Variants in RRP15 observed in about 807,000 individuals in gnomAD.
RRP15 encodes RRP15-like protein.
Under a neutral mutation model 27.1 loss-of-function variants are expected in RRP15, and 18 were observed. That is an observed-to-expected ratio of 0.66 (90% CI 0.46 to 0.98). The LOEUF is 0.98. Ranked by LOEUF, RRP15 falls within the 50% of genes least tolerant of loss-of-function variation. The pLI, the probability that RRP15 is intolerant of heterozygous loss-of-function variation, is 0.00. For synonymous variants in RRP15, 107 were observed against 109.4 expected (o/e 0.98, Z 0.14); for missense variants, 359 against 337.8 (o/e 1.06, Z -0.49).
At chr1:218,323,793 G>A (rs1340586178) in intron 4 of RRP15, among the ~76,000 whole-genome samples, 3 of 152,182 alleles carry the variant, frequency 2.0e-5, no homozygotes, top group Non-Finnish European at 4.4e-5. Context: ...TGTCAGCGCT[G>A]CCCCCAGTGT....
rs1656396769 is a variant in RRP15 at position 218,332,913 on chromosome 1, C to CCCAGAACTA, written c.*1823_*1831dup. 1 of 150,386 alleles carries CCCAGAACTA rather than the reference C, an allele frequency of 6.6e-6. No homozygotes were observed. The highest frequency in any genetic ancestry group is 1.5e-5 in the Non-Finnish European group (1 of 67,728). 9.3% of individuals were successfully genotyped at this position (150,386 alleles called of 1,614,324 possible). On this transcript the variant is annotated 3_prime_UTR_variant, in exon 5 of 5. Coordinates refer to ENST00000366932, the MANE Select transcript of RRP15 (RefSeq NM_016052.4). ...GCAGCAACTTAAACACATTTTTCTC[C>CCCAGAACTA]CCAGAACTAAGATTACACTTAATTT...
chr1:218,304,432 G>C (rs1186443882), intron 2 of RRP15, among the ~76,000 whole-genome samples: 2 of 152,096 alleles, frequency 1.3e-5, no homozygotes, highest in African/African-American at 4.8e-5. Flanking sequence ...CTCCCCTTCT[G>C]CTTCTGTACA....
intron 2 of RRP15, among the ~76,000 whole-genome samples, chr1:218,304,503 C>T (rs1054196521): frequency 2.0e-5 from 3 of 152,118 alleles, no homozygotes; most frequent in Admixed American, 6.6e-5. Context: ...AGATATGCTA[C>T]GAGAGGAGAA....
chr1:218,302,478 A>C lies in RRP15; in HGVS notation c.324A>C (p.Lys108Asn). 1 of 1,614,118 alleles carries C rather than the reference A, an allele frequency of 6.2e-7. No homozygotes were observed. The highest frequency in any genetic ancestry group is 8.5e-7 in the Non-Finnish European group (1 of 1,180,022). The change falls in exon 2 of 5, where the codon AAA becomes AAC. Residue 108 changes from lysine (K) to asparagine (N), a missense_variant. By Grantham distance (94) the Lys-to-Asn change is moderately conservative. Transcript: ENST00000366932. ...TCAACAAGAAAACTCCTGAAAGTAA[A>C]CCTACTATTCTGGTCAAAAATAAGA... Reference protein sequence around the residue: ...KVLNKKTPESKPTILVKNKKL... With the variant: ...KVLNKKTPESNPTILVKNKKL...
rs141272677 is a variant in RRP15 at position 218,304,860 on chromosome 1, C to T, written c.406-168C>T. 2.2e-4 allele frequency among the ~76,000 whole-genome samples: 34 copies of T among 152,284 alleles called. No individual in the cohort carries two copies. In the East Asian group the frequency reaches 6.2e-3, roughly 28 times the overall value. On this transcript the variant is annotated intron_variant, in intron 2 of 4. Transcript: ENST00000366932. ...CTCGCATGACACGCTGAGTGCTAAC[C>T]ACAGGCTCTCGAAGCTAAACCCCTA... is the stretch of plus-strand genomic sequence containing the variant.
At chr1:218,329,090 C>T (rs868163673) in intron 4 of RRP15, among the ~76,000 whole-genome samples, 88 of 151,960 alleles carry the variant, frequency 5.8e-4, no homozygotes, top group Middle Eastern at 3.4e-3. Context: ...CTGTGAACAT[C>T]AGTTTTTTAT....
At chr1:218,296,622 C>T (rs572529670) in intron 1 of RRP15, among the ~76,000 whole-genome samples, 12 of 149,244 alleles carry the variant, frequency 8.0e-5, no homozygotes, top group South Asian at 2.1e-4. Context: ...CCAGCCTGGG[C>T]GCCAGAGTGA....
intron 4 of RRP15, among the ~76,000 whole-genome samples, chr1:218,323,649 A>T (rs568427485): frequency 6.6e-6 from 1 of 152,238 alleles, no homozygotes; most frequent in South Asian, 2.1e-4. Flanking sequence ...GCCACTGCTC[A>T]TGGCGCCCAG....
chr1:218,327,707 CT>C (rs987562679), intron 4 of RRP15, among the ~76,000 whole-genome samples: 9 of 152,076 alleles, frequency 5.9e-5, no homozygotes, highest in Admixed American at 2.0e-4. Context: ...TCTATTGTGT[CT>C]TTTTTTTCCA....
At chr1:218,314,249 A>T (rs1476176870) in intron 4 of RRP15, among the ~76,000 whole-genome samples, 1 of 152,186 alleles carries the variant, frequency 6.6e-6, no homozygotes, top group African/African-American at 2.4e-5. Flanking sequence ...TTATAAAAAA[A>T]TTAAGCTTTA....
At chr1:218,313,621 C>T (rs561462676) in intron 4 of RRP15, among the ~76,000 whole-genome samples, 8 of 152,142 alleles carry the variant, frequency 5.3e-5, no homozygotes, top group Middle Eastern at 3.4e-3. Flanking sequence ...TTGGTTAGTG[C>T]GGGAAATAGC....
At position 218,290,315 on chromosome 1, in the gene RRP15, C is replaced by A. The variant is rs1174057473; in HGVS notation, c.139+4860C>A. 2.0e-5 allele frequency among the ~76,000 whole-genome samples: 3 copies of A among 151,468 alleles called. No individual in the cohort carries two copies. In the East Asian group the frequency reaches 5.8e-4, roughly 29 times the overall value. On this transcript the variant is annotated intron_variant, in intron 1 of 4. Coordinates refer to ENST00000366932, the MANE Select transcript of RRP15 (RefSeq NM_016052.4). ...TAATGTTCAGTAAAGTTGCAGGAAACCCTGAATCCCTGAATTAGTGAACCA... is the reference window on the plus strand; with the variant it reads ...TAATGTTCAGTAAAGTTGCAGGAAAACCTGAATCCCTGAATTAGTGAACCA...
intron 1 of RRP15, among the ~76,000 whole-genome samples, chr1:218,300,358 G>A (rs1366310860): frequency 6.6e-6 from 1 of 151,856 alleles, no homozygotes; most frequent in Non-Finnish European, 1.5e-5. Flanking sequence ...TTTTATATAG[G>A]CATGTTTTTA....
chr1:218,318,303 CT>C (rs1000172028), intron 4 of RRP15, among the ~76,000 whole-genome samples: 1 of 151,976 alleles, frequency 6.6e-6, no homozygotes, highest in Non-Finnish European at 1.5e-5. Context: ...TTTTTTATAA[CT>C]TTTTGAGAAT....
At chr1:218,313,309 G>T (rs886317099) in intron 4 of RRP15, among the ~76,000 whole-genome samples, 6 of 152,124 alleles carry the variant, frequency 3.9e-5, no homozygotes, top group African/African-American at 1.4e-4. Context: ...GGTAAATTGG[G>T]TTGGGGTGAA....
chr1:218,314,109 C>G (rs1656043788), intron 4 of RRP15, among the ~76,000 whole-genome samples: 1 of 152,006 alleles, frequency 6.6e-6, no homozygotes, highest in Admixed American at 6.6e-5. Context: ...CCCACCTAGG[C>G]CTCCCAAAGT....
chr1:218,315,575 A>T (rs1357434750), intron 4 of RRP15, among the ~76,000 whole-genome samples: 1 of 151,060 alleles, frequency 6.6e-6, no homozygotes. Flanking sequence ...TTACAGGCGC[A>T]TGCCACCGCA....
chr1:218,327,148 C>T (rs933565996), intron 4 of RRP15, among the ~76,000 whole-genome samples: 8 of 152,150 alleles, frequency 5.3e-5, no homozygotes, highest in Non-Finnish European at 1.2e-4. Context: ...CAACAAATCA[C>T]TTTTCTGTAG....
chr1:218,305,424 G>T (rs1396102713), intron 3 of RRP15, among the ~76,000 whole-genome samples: 2 of 152,142 alleles, frequency 1.3e-5, no homozygotes, highest in African/African-American at 2.4e-5. Context: ...GTCTAAATTT[G>T]TGGCACTCAA....
Sources: gnomAD v4.1 joint callset for allele counts (sites outside exome capture counted in the v4.1 genomes callset) on GRCh38, gnomAD v4.1.1 for gene constraint, MANE v1.5 for transcripts, NCBI Gene and HGNC (gene_info 2026-07-23, HGNC 2026-07-21) for gene names.